The following PLXNA2 variants were observed in gnomAD, a reference collection of about 807,000 sequenced individuals.
The protein encoded by PLXNA2 is plexin-A2.
In PLXNA2, 91 loss-of-function variants were observed where a neutral mutation model predicts 193.5. The observed-to-expected ratio is 0.47, with a 90% CI of 0.40 to 0.56. PLXNA2 has a LOEUF of 0.56. PLXNA2 is among the 20% of genes least tolerant of loss of function. The pLI, the probability that PLXNA2 is intolerant of heterozygous loss-of-function variation, is 0.00. For missense variants in PLXNA2, 1,995 were observed against 2,503.2 expected, an observed-to-expected ratio of 0.80 and a Z score of 4.33; for synonymous variants, 997 against 1,027.3, an observed-to-expected ratio of 0.97 and a Z score of 0.56.
At chr1:208,238,696 C>A (rs1474645110) in intron 1 of PLXNA2, among the ~76,000 whole-genome samples, 3 of 152,112 alleles carry the variant, frequency 2.0e-5, no homozygotes, top group Non-Finnish European at 4.4e-5. Context: ...ATCAGCGATA[C>A]AATGTTGACA....
chr1:208,135,502 C>T (rs947944245), intron 4 of PLXNA2, among the ~76,000 whole-genome samples: 7 of 152,198 alleles, frequency 4.6e-5, no homozygotes, highest in African/African-American at 1.4e-4. Flanking sequence ...TGGATTCCTG[C>T]AAACCCTTCC....
At chr1:208,045,024 C>A in intron 19 of PLXNA2, 43 bp downstream of exon 19, 3 of 1,612,262 alleles carry the variant, frequency 1.9e-6, no homozygotes, top group Non-Finnish European at 2.5e-6. Context: ...ACACATGCAC[C>A]ACGAGGCGGG....
In PLXNA2 at chr1:208,179,082, G is replaced by A. The variant is rs113832502; in HGVS notation, c.1371+31198C>T. On this transcript the variant is annotated intron_variant, in intron 3 of 31. Transcript: ENST00000367033. ...TGACAGCACGCTGGGCCTGGGCTAC[G>A]GAGAGTCTCTGGTGATGAGGACAGG... Among the ~76,000 whole-genome samples, 774 of 152,312 alleles carry A rather than the reference G, an allele frequency of 5.1e-3. 3 individuals are homozygous for A. Among genetic ancestry groups the A allele is most frequent in the African/African-American group, 0.016 (679 of 41,570 alleles).
intron 12 of PLXNA2, among the ~76,000 whole-genome samples, chr1:208,078,008 ACTT>A (rs1252955653): frequency 2.6e-5 from 4 of 152,148 alleles, no homozygotes; most frequent in Non-Finnish European, 4.4e-5. Flanking sequence ...GGGAAGCACC[ACTT>A]CTTCTTTTAT....
At chr1:208,190,109 A>C (rs1310948823) in intron 3 of PLXNA2, among the ~76,000 whole-genome samples, 1 of 152,220 alleles carries the variant, frequency 6.6e-6, no homozygotes, top group African/African-American at 2.4e-5. Context: ...ATGTGTGTGT[A>C]TATGAGTATA....
chr1:208,121,077 C>T (rs578224605), intron 4 of PLXNA2, among the ~76,000 whole-genome samples: 2 of 152,130 alleles, frequency 1.3e-5, no homozygotes, highest in African/African-American at 2.4e-5. Flanking sequence ...AAAAGTAAAA[C>T]AAATCTAATC....
chr1:208,233,714 C>A (rs1306850131), intron 1 of PLXNA2, among the ~76,000 whole-genome samples: 15 of 152,240 alleles, frequency 9.9e-5, no homozygotes, highest in Admixed American at 9.2e-4. Flanking sequence ...CAGGCAGCTG[C>A]TTGGGTCATT....
intron 9 of PLXNA2, among the ~76,000 whole-genome samples, chr1:208,091,019 G>C (rs1666688912): frequency 6.6e-6 from 1 of 152,218 alleles, no homozygotes; most frequent in Non-Finnish European, 1.5e-5. Flanking sequence ...GAATTCCAGG[G>C]CTGGAGTTAA....
intron 3 of PLXNA2, among the ~76,000 whole-genome samples, chr1:208,161,895 T>C (rs1191369381): frequency 6.6e-6 from 1 of 152,250 alleles, no homozygotes; most frequent in African/African-American, 2.4e-5. Context: ...TCATGTTTAA[T>C]GCATTTTCCA....
chr1:208,144,637 G>A (rs1264250562), intron 3 of PLXNA2, among the ~76,000 whole-genome samples: 1 of 152,128 alleles, frequency 6.6e-6, no homozygotes, highest in Non-Finnish European at 1.5e-5. Flanking sequence ...GGGGGCTTCT[G>A]GGCCTGAACT....
chr1:208,117,299 G>T (rs1373283453), intron 4 of PLXNA2, among the ~76,000 whole-genome samples: 1 of 152,216 alleles, frequency 6.6e-6, no homozygotes, highest in Non-Finnish European at 1.5e-5. Context: ...GGATGCAGGA[G>T]GAAACCCAGA....
At chr1:208,234,606 G>A (rs934528335) in intron 1 of PLXNA2, among the ~76,000 whole-genome samples, 2 of 152,184 alleles carry the variant, frequency 1.3e-5, no homozygotes, top group African/African-American at 4.8e-5. Context: ...TGATCCCTGA[G>A]CCCCAGCGTC....
intron 1 of PLXNA2, among the ~76,000 whole-genome samples, chr1:208,223,145 C>T (rs537165354): frequency 4.0e-4 from 61 of 151,202 alleles, no homozygotes; most frequent in African/African-American, 1.4e-3. Flanking sequence ...AGGAGTCCGT[C>T]TTCTCCTTCA....
rs185381554 is a variant in PLXNA2, at chr1:208,223,464, C to T, written c.-80-5462G>A. Among the ~76,000 whole-genome samples the T allele has an allele frequency of 6.5e-4, 99 of 152,228 alleles. 1 individual carries two copies. The highest frequency in any genetic ancestry group is 2.2e-3 in the African/African-American group (92 of 41,542). ...TGCCTTTGATAATAGCCCCATGATACGCAGAAGTGAGTGTGGCATTGGGCC... is the reference window on the plus strand; with the variant it reads ...TGCCTTTGATAATAGCCCCATGATATGCAGAAGTGAGTGTGGCATTGGGCC... On this transcript the variant is annotated intron_variant, in intron 1 of 31. Coordinates refer to ENST00000367033, the MANE Select transcript of PLXNA2 (RefSeq NM_025179.4).
intron 13 of PLXNA2, among the ~76,000 whole-genome samples, chr1:208,057,213 G>C (rs779427777): frequency 2.0e-5 from 3 of 152,190 alleles, no homozygotes; most frequent in Non-Finnish European, 4.4e-5. Flanking sequence ...GCTACAGAGC[G>C]GGTCTTATCT....
At position 208,051,515 on chromosome 1, in the gene PLXNA2, G is replaced by A. The variant is rs867257755; in HGVS notation, c.2994-92C>T. 2.6e-5 allele frequency: 26 copies of A among 982,618 alleles called. No homozygotes were observed. The African/African-American group carries it at 3.6e-4, about 14-fold the overall frequency. 60.9% of individuals were successfully genotyped at this position (982,618 alleles called of 1,614,324 possible). ...ACAAGGGGCTTTCCTTGGTCTGCGG[G>A]TAAGGCCACAGAAGTGTTCTCTCAT... On this transcript the variant is annotated intron_variant, in intron 15 of 31. Coordinates refer to ENST00000367033, the MANE Select transcript of PLXNA2 (RefSeq NM_025179.4).
At chr1:208,075,064 A>G (rs1263363636) in intron 12 of PLXNA2, among the ~76,000 whole-genome samples, 2 of 152,188 alleles carry the variant, frequency 1.3e-5, no homozygotes, top group South Asian at 4.1e-4. Flanking sequence ...TAAATCCAGC[A>G]CTTTGGGAAG....
chr1:208,241,002 C>T (rs1672033587), intron 1 of PLXNA2, among the ~76,000 whole-genome samples: 1 of 152,180 alleles, frequency 6.6e-6, no homozygotes. Flanking sequence ...AACCCCCAAA[C>T]AGTGACAACT....
intron 11 of PLXNA2, among the ~76,000 whole-genome samples, chr1:208,081,888 T>G (rs1484970718): frequency 2.6e-5 from 4 of 151,926 alleles, no homozygotes; most frequent in South Asian, 4.2e-4. Flanking sequence ...TGAATAAGGG[T>G]CACCCTCATG....
Sources: gnomAD v4.1 joint callset for allele counts (sites outside exome capture counted in the v4.1 genomes callset) on GRCh38, gnomAD v4.1.1 for gene constraint, MANE v1.5 for transcripts, NCBI Gene and HGNC (gene_info 2026-07-23, HGNC 2026-07-21) for gene names.